Variants in ZSWIM5 observed in about 807,000 individuals in gnomAD.
ZSWIM5 encodes the protein zinc finger SWIM domain-containing protein 5.
Under a neutral mutation model 119.6 loss-of-function variants are expected in ZSWIM5, and 55 were observed. That is an observed-to-expected ratio of 0.46 (90% CI 0.37 to 0.58). ZSWIM5 has a LOEUF of 0.58. Ranked by LOEUF, ZSWIM5 falls within the 20% of genes least tolerant of loss-of-function variation. ZSWIM5 has a pLI of 0.00. For missense variants in ZSWIM5, 1,193 were observed against 1,512.8 expected (o/e 0.79, Z 3.51); for synonymous variants, 537 against 606.9 (o/e 0.88, Z 1.69).
intron 2 of ZSWIM5, chr1:45,070,201 A>G (rs1000254310): frequency 1.4e-6 from 2 of 1,417,010 alleles, no homozygotes; most frequent in Non-Finnish European, 2.0e-6. Context: ...TTTACTTTGT[A>G]GGCCAAGAAA....
In ZSWIM5 at chr1:45,105,524, G is replaced by C. The variant is rs372898147; in HGVS notation, c.596-17287C>G. Among the ~76,000 whole-genome samples, 5 of 124,342 alleles carry C rather than the reference G, an allele frequency of 4.0e-5. No individual in the cohort carries two copies. In the South Asian group the frequency reaches 1.1e-3, roughly 28 times the overall value. The allele number at this position is 124,342 out of a possible 152,430, so 81.6% of individuals were successfully genotyped here. A position where few individuals can be genotyped will look rare whatever the true frequency, so the allele number is the denominator to read the frequency against. On this transcript the variant is annotated intron_variant, in intron 1 of 13. Transcript: ENST00000359600. ...AGGAGCGCCTCTGCCTGGCCGCCCC[G>C]TCTGGGATGAAGTGAGGAGCGCCTC...
chr1:45,152,123 T>C (rs1458429857), intron 1 of ZSWIM5, among the ~76,000 whole-genome samples: 1 of 152,130 alleles, frequency 6.6e-6, no homozygotes. Flanking sequence ...TGGATTTTTA[T>C]ACAAAGACCA....
At chr1:45,126,360 C>G (rs938923162) in intron 1 of ZSWIM5, among the ~76,000 whole-genome samples, 1 of 151,860 alleles carries the variant, frequency 6.6e-6, no homozygotes, top group African/African-American at 2.4e-5. Flanking sequence ...TACTACCAGC[C>G]CTGCAGACTT....
chr1:45,084,158 C>A (rs772889886), intron 2 of ZSWIM5, among the ~76,000 whole-genome samples: 1 of 152,180 alleles, frequency 6.6e-6, no homozygotes, highest in Non-Finnish European at 1.5e-5. Flanking sequence ...AATCCACACA[C>A]CTTGGCTTCC....
chr1:45,146,431 C>CTTT lies in ZSWIM5; in HGVS notation c.596-58197_596-58195dup, dbSNP rs35073818. ...TAAAATACAAGTATCTGTTTCTAGA[C>CTTT]TTTTTTTTTTTTTTTTTTTTTTTTT... On this transcript the variant is annotated intron_variant, in intron 1 of 13. Coordinates refer to ENST00000359600, the MANE Select transcript of ZSWIM5 (RefSeq NM_020883.2). 1.1e-3 allele frequency among the ~76,000 whole-genome samples: 52 copies of CTTT among 45,900 alleles called. 10 individuals are homozygous for CTTT. Among genetic ancestry groups the CTTT allele is most frequent in the East Asian group, 1.4e-3 (2 of 1,454 alleles). The allele number at this position is 45,900 out of a possible 152,430, so 30.1% of individuals were successfully genotyped here. A position where few individuals can be genotyped will look rare whatever the true frequency, so the allele number is the denominator to read the frequency against.
intron 1 of ZSWIM5, among the ~76,000 whole-genome samples, chr1:45,089,830 C>T (rs1439917300): frequency 6.6e-6 from 1 of 151,966 alleles, no homozygotes; most frequent in Non-Finnish European, 1.5e-5. Flanking sequence ...AAAAAAGTAG[C>T]CGGTATGGTG....
intron 1 of ZSWIM5, among the ~76,000 whole-genome samples, chr1:45,120,144 G>A (rs1570120115): frequency 6.6e-6 from 1 of 152,288 alleles, no homozygotes; most frequent in East Asian, 1.9e-4. Flanking sequence ...AGGCATTCTA[G>A]ACTAGCCTGG....
intron 1 of ZSWIM5, among the ~76,000 whole-genome samples, chr1:45,095,846 ACTGT>A (rs1014712854): frequency 2.6e-5 from 4 of 152,108 alleles, no homozygotes; most frequent in African/African-American, 9.7e-5. Context: ...TAAAGTTTTG[ACTGT>A]CTTTCTTTGA....
At chr1:45,050,978 C>G in intron 5 of ZSWIM5, 96 bp downstream of exon 5, 1 of 1,221,116 alleles carries the variant, frequency 8.2e-7, no homozygotes, top group Non-Finnish European at 1.1e-6. Flanking sequence ...GCAATTCTGA[C>G]AGCTAAAAGG....
At chr1:45,054,138 T>A (rs1219517176) in intron 4 of ZSWIM5, among the ~76,000 whole-genome samples, 3 of 151,532 alleles carry the variant, frequency 2.0e-5, no homozygotes, top group African/African-American at 7.3e-5. Flanking sequence ...ATTGGCTGAG[T>A]GTGATAGCCT....
chr1:45,154,095 T>C (rs565311593), intron 1 of ZSWIM5, among the ~76,000 whole-genome samples: 1 of 152,200 alleles, frequency 6.6e-6, no homozygotes, highest in African/African-American at 2.4e-5. Flanking sequence ...AAAGAAATCA[T>C]AGATGACACA....
chr1:45,100,920 A>C (rs1194376505), intron 1 of ZSWIM5, among the ~76,000 whole-genome samples: 14 of 152,200 alleles, frequency 9.2e-5, no homozygotes, highest in African/African-American at 3.1e-4. Flanking sequence ...TAAAGACTTA[A>C]ATGTTAGACC....
chr1:45,095,169 C>G (rs1425667658), intron 1 of ZSWIM5, among the ~76,000 whole-genome samples: 1 of 151,636 alleles, frequency 6.6e-6, no homozygotes, highest in African/African-American at 2.4e-5. Flanking sequence ...TCTCTGTTGC[C>G]CAAGCTGGAG....
chr1:45,033,600 GA>G (rs34296100), intron 11 of ZSWIM5, among the ~76,000 whole-genome samples: 38,357 of 150,866 alleles, frequency 0.25, 5,075 homozygotes, highest in Admixed American at 0.34. Flanking sequence ...CCAGGGCACT[GA>G]AAAAAAAATC....
chr1:45,177,559 T>C (rs1645988840), intron 1 of ZSWIM5, among the ~76,000 whole-genome samples: 1 of 152,094 alleles, frequency 6.6e-6, no homozygotes. Flanking sequence ...CTGAATCTCA[T>C]GAAATGAAAG....
intron 11 of ZSWIM5, among the ~76,000 whole-genome samples, chr1:45,028,587 C>T (rs1644933729): frequency 6.6e-6 from 1 of 151,936 alleles, no homozygotes; most frequent in Non-Finnish European, 1.5e-5. Context: ...AAAACCCCAT[C>T]TCTACTAAAA....
intron 11 of ZSWIM5, among the ~76,000 whole-genome samples, chr1:45,028,436 G>T (rs1190999666): frequency 1.3e-5 from 2 of 152,042 alleles, no homozygotes; most frequent in Non-Finnish European, 2.9e-5. Context: ...TTTTAAAAAG[G>T]TTTCTCCACA....
intron 6 of ZSWIM5, among the ~76,000 whole-genome samples, chr1:45,042,266 A>C (rs1645021762): frequency 6.6e-6 from 1 of 152,166 alleles, no homozygotes. Context: ...GCTCCATGTA[A>C]CCTCTCCCAC....
In ZSWIM5 at chr1:45,072,920, A is replaced by G. The variant is rs1172004641; in HGVS notation, c.953-12673T>C. ...TTCCAGGTCTTTTGTGGTTTCACAT[A>G]GCAAAAAACAATTTTAGAATTGTGT... is the stretch of plus-strand genomic sequence containing the variant. On this transcript the variant is annotated intron_variant, in intron 2 of 13. Transcript: ENST00000359600. This position sits in a 1 kb window ranked among gnomAD's most constrained non-coding sequence, Gnocchi z 4.1. Among the ~76,000 whole-genome samples the G allele has an allele frequency of 6.6e-6, 1 of 152,034 alleles. No individual in the cohort carries two copies. The highest frequency in any genetic ancestry group is 2.4e-5 in the African/African-American group (1 of 41,284).
Sources: gnomAD v4.1 joint callset for allele counts (sites outside exome capture counted in the v4.1 genomes callset) on GRCh38, gnomAD v4.1.1 for gene constraint, Gnocchi (gnomAD v3.1) non-coding constraint, MANE v1.5 for transcripts, NCBI Gene and HGNC (gene_info 2026-07-23, HGNC 2026-07-21) for gene names.